The following LRP1B variants were observed in gnomAD, a reference collection of about 807,000 sequenced individuals.
LRP1B encodes LDL receptor related protein 1B.
Under a neutral mutation model 556.6 loss-of-function variants are expected in LRP1B, and 217 were observed. The observed-to-expected ratio is 0.39, with a 90% CI of 0.35 to 0.44. The LOEUF (loss-of-function observed/expected upper bound fraction) is 0.44. LRP1B is among the 20% of genes least tolerant of loss of function. The pLI, the probability that LRP1B is intolerant of heterozygous loss-of-function variation, is 1.00. For synonymous variants in LRP1B, 2,047 were observed against 1,865.8 expected (o/e 1.10, Z -2.50); for missense variants, 5,053 against 5,620.8 (o/e 0.90, Z 3.23).
rs571123043 is a variant in LRP1B, at chr2:140,505,968, T to C, written c.8521+828A>G. The stretch of plus-strand genomic sequence containing the variant: ...GCTATCATTAAAGTTGTAGGTTGTA[T>C]AGATATTATATATAACATAGAAAAA... On this transcript the variant is annotated intron_variant, in intron 53 of 90. Coordinates refer to ENST00000389484, the MANE Select transcript of LRP1B (RefSeq NM_018557.3). 9.9e-5 allele frequency among the ~76,000 whole-genome samples: 15 copies of C among 152,230 alleles called. No individual in the cohort carries two copies. In the East Asian group the frequency reaches 2.9e-3, roughly 29 times the overall value.
At chr2:142,115,044 A>T (rs569008320) in intron 1 of LRP1B, among the ~76,000 whole-genome samples, 1 of 152,286 alleles carries the variant, frequency 6.6e-6, no homozygotes, top group South Asian at 2.1e-4. Context: ...AAAATTAAAA[A>T]TAGAAATACA....
At chr2:140,403,958 A>T (rs1368548429) in intron 66 of LRP1B, among the ~76,000 whole-genome samples, 2 of 152,162 alleles carry the variant, frequency 1.3e-5, no homozygotes, top group Non-Finnish European at 2.9e-5. Context: ...GAGATTTGGG[A>T]CCTATCTTTA....
At chr2:140,930,047 T>A (rs1427295913) in intron 20 of LRP1B, among the ~76,000 whole-genome samples, 1 of 152,078 alleles carries the variant, frequency 6.6e-6, no homozygotes, top group South Asian at 2.1e-4. Context: ...GAACCTATGA[T>A]GACCATTCCA....
intron 2 of LRP1B, among the ~76,000 whole-genome samples, chr2:141,490,175 T>A (rs1414987521): frequency 6.6e-6 from 1 of 152,152 alleles, no homozygotes; most frequent in Non-Finnish European, 1.5e-5. Context: ...TTTGTTTGCA[T>A]CTAACATATA....
intron 2 of LRP1B, among the ~76,000 whole-genome samples, chr2:141,687,982 CTTTA>C (rs532467542): frequency 8.4e-4 from 124 of 148,246 alleles, no homozygotes; most frequent in African/African-American, 2.8e-3. Context: ...ATTTTTTAAT[CTTTA>C]TTTATTAATA....
At chr2:141,781,219 T>C (rs1309173103) in intron 2 of LRP1B, among the ~76,000 whole-genome samples, 2 of 152,178 alleles carry the variant, frequency 1.3e-5, no homozygotes, top group Non-Finnish European at 2.9e-5. Flanking sequence ...AAATGATCCT[T>C]ATTTTTGAGA....
At chr2:140,379,434 G>A (rs140820661) in intron 67 of LRP1B, among the ~76,000 whole-genome samples, 83 of 152,222 alleles carry the variant, frequency 5.5e-4, no homozygotes, top group African/African-American at 1.7e-3. Context: ...GGTGGCTCAC[G>A]CCTGTAATCT....
chr2:141,471,287 T>TTTGTTTTTG (rs1682462916), intron 3 of LRP1B, among the ~76,000 whole-genome samples: 1 of 68,072 alleles, frequency 1.5e-5, no homozygotes, highest in South Asian at 3.2e-4. Flanking sequence ...TTTTTTTTTT[T>TTTGTTTTTG]TTTTTTTACT....
chr2:141,692,321 A>G (rs377441400), intron 2 of LRP1B, among the ~76,000 whole-genome samples: 6 of 152,008 alleles, frequency 3.9e-5, no homozygotes, highest in East Asian at 3.9e-4. Flanking sequence ...TTACTTATCT[A>G]TAAGTTTTAC....
intron 7 of LRP1B, among the ~76,000 whole-genome samples, chr2:141,121,714 A>G (rs1328237719): frequency 6.6e-6 from 1 of 152,154 alleles, no homozygotes; most frequent in African/African-American, 2.4e-5. Context: ...CCATCAAGCT[A>G]TCAATGACCT....
chr2:141,769,986 T>C (rs984438900), intron 2 of LRP1B, among the ~76,000 whole-genome samples: 1 of 152,188 alleles, frequency 6.6e-6, no homozygotes, highest in African/African-American at 2.4e-5. Context: ...AATTCCTCTC[T>C]GTTGAAGACC....
chr2:140,911,607 C>T (rs1694421663), intron 21 of LRP1B, among the ~76,000 whole-genome samples: 1 of 151,684 alleles, frequency 6.6e-6, no homozygotes, highest in African/African-American at 2.4e-5. Flanking sequence ...TCCTTGTCAC[C>T]AAGGGGCTTA....
chr2:141,995,693 G>A (rs565458259), intron 1 of LRP1B, among the ~76,000 whole-genome samples: 2 of 152,268 alleles, frequency 1.3e-5, no homozygotes, highest in African/African-American at 4.8e-5. Flanking sequence ...CTATCCATTA[G>A]AAAGCTTCAT....
intron 1 of LRP1B, among the ~76,000 whole-genome samples, chr2:142,014,146 C>T (rs1461349162): frequency 7.2e-6 from 1 of 139,514 alleles, no homozygotes; most frequent in Non-Finnish European, 1.5e-5. Context: ...CCTACTCCGT[C>T]TGTGGAGTAG....
chr2:141,048,842 T>C, intron 11 of LRP1B, 144 bp downstream of exon 11: 1 of 662,886 alleles, frequency 1.5e-6, no homozygotes, highest in Non-Finnish European at 2.7e-6. Context: ...ACAATGTTAA[T>C]GAAGAAATAA....
chr2:140,366,592 T>C (rs1028299956), intron 71 of LRP1B, among the ~76,000 whole-genome samples: 3 of 151,578 alleles, frequency 2.0e-5, no homozygotes, highest in Non-Finnish European at 4.4e-5. Flanking sequence ...CAAAAGAGAC[T>C]GAGAAAAAGT....
chr2:140,889,759 T>C (rs1218271224), intron 23 of LRP1B, among the ~76,000 whole-genome samples: 2 of 152,188 alleles, frequency 1.3e-5, no homozygotes, highest in Non-Finnish European at 2.9e-5. Flanking sequence ...GAGAAGCAAT[T>C]TGACCCATGA....
chr2:141,153,369 T>TA (rs1701977982), intron 7 of LRP1B, among the ~76,000 whole-genome samples: 1 of 109,512 alleles, frequency 9.1e-6, no homozygotes, highest in Non-Finnish European at 1.8e-5. Context: ...TATATTTATA[T>TA]ATAATAATAT....
At chr2:141,368,029 G>C (rs1351027311) in intron 3 of LRP1B, among the ~76,000 whole-genome samples, 1 of 151,970 alleles carries the variant, frequency 6.6e-6, no homozygotes, top group East Asian at 1.9e-4. Flanking sequence ...ATTAAATATT[G>C]ACTTTTTATC....
Sources: gnomAD v4.1 joint callset for allele counts (sites outside exome capture counted in the v4.1 genomes callset) on GRCh38, gnomAD v4.1.1 for gene constraint, MANE v1.5 for transcripts, NCBI Gene and HGNC (gene_info 2026-07-23, HGNC 2026-07-21) for gene names.